Variants in TMCO1 observed in about 807,000 individuals in gnomAD.
The protein encoded by TMCO1 is calcium load-activated calcium channel.
A neutral mutation model predicts 29.3 loss-of-function variants in TMCO1; 29 were observed. The observed-to-expected ratio is 0.99, with a 90% CI of 0.74 to 1.35. The LOEUF (loss-of-function observed/expected upper bound fraction) is 1.35, where lower values mean the gene tolerates loss of function less well. TMCO1 is among the 40% of genes most tolerant of loss of function. The probability of loss-of-function intolerance (pLI) is 0.00; values close to 1 mark genes in which losing one functional copy is unlikely to be tolerated. For synonymous variants in TMCO1, 80 were observed against 77.1 expected (o/e 1.04, Z -0.20); for missense variants, 173 against 225.5 (o/e 0.77, Z 1.49).
downstream of TMCO1, chr1:165,726,228 A>G (rs1190633929): frequency 1.4e-6 from 1 of 699,676 alleles, no homozygotes; most frequent in Non-Finnish European, 2.6e-6. Context: ...ATTAAAAGTC[A>G]TTACCATCCA....
intron 6 of TMCO1, among the ~76,000 whole-genome samples, chr1:165,730,117 C>G (rs1451268161): frequency 1.4e-5 from 2 of 144,866 alleles, no homozygotes; most frequent in Non-Finnish European, 3.0e-5. Flanking sequence ...GTCAGGAGAT[C>G]GAGATCATCC....
chr1:165,732,666 T>A (rs1036625325), intron 6 of TMCO1, among the ~76,000 whole-genome samples: 1 of 152,092 alleles, frequency 6.6e-6, no homozygotes, highest in Admixed American at 6.5e-5. Context: ...TGTACCACTC[T>A]GGTGGAGAAA....
intron 6 of TMCO1, among the ~76,000 whole-genome samples, chr1:165,736,350 A>G (rs1651381489): frequency 6.6e-6 from 1 of 152,232 alleles, no homozygotes; most frequent in African/African-American, 2.4e-5. Context: ...AATATCTTCA[A>G]CCTATCGTTT....
chr1:165,753,381 G>A (rs1370018933), intron 4 of TMCO1, among the ~76,000 whole-genome samples: 1 of 149,528 alleles, frequency 6.7e-6, no homozygotes, highest in Non-Finnish European at 1.5e-5. Flanking sequence ...GCTGAGGTAG[G>A]AGGAGCGCAC....
chr1:165,756,047 TAA>T (rs35055828), intron 3 of TMCO1, among the ~76,000 whole-genome samples: 2,315 of 145,534 alleles, frequency 0.016, 53 homozygotes, highest in African/African-American at 0.049. Flanking sequence ...GCAGCTTGTT[TAA>T]AAAAAAAAAA....
chr1:165,746,804 G>C (rs1026792932), intron 5 of TMCO1, among the ~76,000 whole-genome samples: 8 of 152,118 alleles, frequency 5.3e-5, no homozygotes, highest in Admixed American at 2.0e-4. Flanking sequence ...TAGAACTAGA[G>C]AACAGTGATG....
chr1:165,768,242 G>A lies in TMCO1; in HGVS notation c.98C>T (p.Thr33Ile). 1 of 1,613,900 alleles carries A rather than the reference G, an allele frequency of 6.2e-7. No individual in the cohort carries two copies. The highest frequency in any genetic ancestry group is 8.5e-7 in the Non-Finnish European group (1 of 1,179,984). The stretch of plus-strand genomic sequence containing the variant: ...TGCCTTCAGTCTCTTGTACTTGTCT[G>A]TCCTGTAAACCAGGACCCAGGTTAT... Reference protein sequence around the residue: ...EGITWVLVYRTDKYKRLKAEV... With the variant: ...EGITWVLVYRIDKYKRLKAEV... Residue 33 changes from threonine (T) to isoleucine (I), a missense_variant, in exon 2 of 7, where the codon ACA becomes ATA. By Grantham distance (89) the Thr-to-Ile change is moderately conservative. Transcript: ENST00000367881.
chr1:165,726,405 T>G (rs558094813), downstream of TMCO1: 2 of 630,070 alleles, frequency 3.2e-6, no homozygotes, highest in Non-Finnish European at 5.9e-6. Context: ...CACACTCTAG[T>G]TGAGGAGATG....
At position 165,735,045 on chromosome 1, in the gene TMCO1, T is replaced by C. The variant is rs567845593; in HGVS notation, c.469-6924A>G. The stretch of plus-strand genomic sequence containing the variant: ...CACTAGAGTAATGTCACTTCCTTTG[T>C]AATGATGAATGAATATTTTCTGTCT... On this transcript the variant is annotated intron_variant, in intron 6 of 6. Transcript: ENST00000367881. Among the ~76,000 whole-genome samples, 32 of 152,310 alleles carry C rather than the reference T, an allele frequency of 2.1e-4. 1 individual carries two copies. The highest frequency in any genetic ancestry group is 1.7e-3 in the Admixed American group (26 of 15,300).
intron 6 of TMCO1, among the ~76,000 whole-genome samples, chr1:165,740,044 G>A (rs938388583): frequency 3.3e-5 from 5 of 151,698 alleles, no homozygotes; most frequent in East Asian, 4.0e-4. Context: ...CCAGGGAGGC[G>A]GAGGTTGCAG....
At chr1:165,741,852 T>G (rs4537525) in intron 6 of TMCO1, among the ~76,000 whole-genome samples, 136,013 of 152,196 alleles carry the variant, frequency 0.89, 60,894 homozygotes, top group East Asian at 0.99. Context: ...TTCCTACTCT[T>G]GCCATGTGAC....
chr1:165,730,168 A>G (rs1651087607), intron 6 of TMCO1, among the ~76,000 whole-genome samples: 1 of 107,586 alleles, frequency 9.3e-6, no homozygotes, highest in African/African-American at 3.7e-5. Context: ...AAAAATACAC[A>G]CACACAAAAA....
chr1:165,747,378 T>C (rs1031925204), intron 5 of TMCO1, among the ~76,000 whole-genome samples: 15 of 151,148 alleles, frequency 9.9e-5, no homozygotes, highest in Middle Eastern at 3.5e-3. Flanking sequence ...CTACAGAAAG[T>C]ATATAAAATA....
chr1:165,763,813 G>A (rs929566980), intron 2 of TMCO1, among the ~76,000 whole-genome samples: 12 of 152,126 alleles, frequency 7.9e-5, no homozygotes, highest in Non-Finnish European at 1.6e-4. Context: ...ATTTTGTAGA[G>A]ATGGGGTTTT....
chr1:165,758,385 G>A (rs1197182127), intron 3 of TMCO1, among the ~76,000 whole-genome samples: 3 of 151,786 alleles, frequency 2.0e-5, no homozygotes, highest in East Asian at 1.9e-4. Flanking sequence ...GCAAAATCCC[G>A]TCTCTACTAA....
chr1:165,741,501 A>G (rs866013618), intron 6 of TMCO1, among the ~76,000 whole-genome samples: 2 of 152,260 alleles, frequency 1.3e-5, no homozygotes, highest in Non-Finnish European at 1.5e-5. Flanking sequence ...GGAAAAACAG[A>G]AGCAAAAAGT....
At chr1:165,761,530 C>A (rs190897645) in intron 2 of TMCO1, among the ~76,000 whole-genome samples, 1 of 150,576 alleles carries the variant, frequency 6.6e-6, no homozygotes, top group Admixed American at 6.6e-5. Flanking sequence ...GAGACCCTGT[C>A]GCCAAAATAA....
chr1:165,754,730 A>G (rs73014618), intron 3 of TMCO1: 8,652 of 166,120 alleles, frequency 0.052, 827 homozygotes, highest in African/African-American at 0.19. Context: ...TTCAGGTTCT[A>G]GCTGGGCAAT....
intron 6 of TMCO1, among the ~76,000 whole-genome samples, chr1:165,738,122 G>A (rs1460384890): frequency 6.6e-6 from 1 of 152,178 alleles, no homozygotes; most frequent in African/African-American, 2.4e-5. Flanking sequence ...GTGAAACCCT[G>A]TCTCTACTAA....
Sources: allele counts gnomAD v4.1 joint callset (sites outside exome capture counted in the v4.1 genomes callset), GRCh38; gene constraint gnomAD v4.1.1; transcripts MANE v1.5; gene names NCBI Gene and HGNC (gene_info 2026-07-23, HGNC 2026-07-21).